The following DOCK4 variants were observed in gnomAD, a reference collection of about 807,000 sequenced individuals.
DOCK4 encodes the protein dedicator of cytokinesis 4.
Under a neutral mutation model 268.1 loss-of-function variants are expected in DOCK4, and 97 were observed. That is an observed-to-expected ratio of 0.36 (90% CI 0.31 to 0.43). The LOEUF is 0.43. Among genes scored for constraint, DOCK4 ranks in the 20% least tolerant of loss-of-function variants. DOCK4 has a pLI of 1.00. For synonymous variants in DOCK4, 954 were observed against 887.2 expected, an observed-to-expected ratio of 1.08 and a Z score of -1.34; for missense variants, 2,145 against 2,455.7, an observed-to-expected ratio of 0.87 and a Z score of 2.67.
chr7:111,941,011 T>C (rs767056119), intron 10 of DOCK4, among the ~76,000 whole-genome samples: 1 of 152,194 alleles, frequency 6.6e-6, no homozygotes, highest in South Asian at 2.1e-4. Context: ...AAAATTCTCC[T>C]ATAGCACATC....
intron 1 of DOCK4, among the ~76,000 whole-genome samples, chr7:112,101,965 C>T (rs1325526963): frequency 1.3e-5 from 2 of 152,056 alleles, no homozygotes; most frequent in Non-Finnish European, 2.9e-5. Flanking sequence ...GCCTCAGCCT[C>T]CGGAGTAGCT....
rs202087543 is a variant in DOCK4, at chr7:111,915,763, G to C, written c.1192+16C>G. 6.2e-7 allele frequency: 1 copy of C among 1,611,548 alleles called. No individual in the cohort carries two copies. The highest frequency in any genetic ancestry group is 8.5e-7 in the Non-Finnish European group (1 of 1,179,076). On this transcript the variant is annotated intron_variant, in intron 13 of 52. Coordinates refer to ENST00000428084, the MANE Select transcript of DOCK4 (RefSeq NM_001363540.2). ...TACCCATATTTCATCATATCGGTAC[G>C]TCCCAAGTCACCTACCAGGCATAAT...
At chr7:112,120,862 A>G (rs992708409) in intron 1 of DOCK4, among the ~76,000 whole-genome samples, 20 of 152,220 alleles carry the variant, frequency 1.3e-4, no homozygotes, top group Non-Finnish European at 2.8e-4. Flanking sequence ...TTGGAGAAAC[A>G]GTTGGACATT....
intron 45 of DOCK4, 139 bp downstream of exon 45, chr7:111,741,874 G>C (rs897225926): frequency 7.7e-7 from 1 of 1,307,096 alleles, no homozygotes; most frequent in Non-Finnish European, 1.0e-6. Context: ...CAAGGCAATT[G>C]TATTTGAGGG....
chr7:112,122,380 T>C (rs951781486), intron 1 of DOCK4, among the ~76,000 whole-genome samples: 1 of 152,214 alleles, frequency 6.6e-6, no homozygotes, highest in Non-Finnish European at 1.5e-5. Context: ...TTTCTTTGAA[T>C]CTGACTACTT....
intron 13 of DOCK4, among the ~76,000 whole-genome samples, chr7:111,908,325 G>A (rs1470616936): frequency 6.6e-6 from 1 of 151,820 alleles, no homozygotes; most frequent in Non-Finnish European, 1.5e-5. Context: ...GCGGGCGCCT[G>A]TAGTCCCAGC....
At chr7:112,025,988 T>A (rs1363738579) in intron 1 of DOCK4, among the ~76,000 whole-genome samples, 1 of 152,212 alleles carries the variant, frequency 6.6e-6, no homozygotes, top group South Asian at 2.1e-4. Context: ...GCCCCTCTCA[T>A]TGCACTTGCC....
At chr7:111,869,415 A>G (rs1806238325) in intron 21 of DOCK4, 159 bp downstream of exon 21, 2 of 654,644 alleles carry the variant, frequency 3.1e-6, no homozygotes, top group Admixed American at 4.5e-5. Flanking sequence ...TTCAAATTTC[A>G]TCAGCTCTCA....
chr7:112,038,058 A>G (rs1234690049), intron 1 of DOCK4, among the ~76,000 whole-genome samples: 1 of 152,254 alleles, frequency 6.6e-6, no homozygotes, highest in Non-Finnish European at 1.5e-5. Context: ...AATAGCATGG[A>G]CAGCATGTTA....
chr7:111,794,397 A>G (rs1355138457), intron 30 of DOCK4, among the ~76,000 whole-genome samples: 1 of 152,200 alleles, frequency 6.6e-6, no homozygotes, highest in Non-Finnish European at 1.5e-5. Context: ...AACAGGGTGA[A>G]TGAAATCACA....
At chr7:112,179,998 T>A (rs924463092) in intron 1 of DOCK4, among the ~76,000 whole-genome samples, 15 of 152,240 alleles carry the variant, frequency 9.9e-5, no homozygotes, top group Admixed American at 2.0e-4. Context: ...CAGCATCAGT[T>A]TCTTATTCTG....
At chr7:112,153,419 T>C (rs1336066692) in intron 1 of DOCK4, among the ~76,000 whole-genome samples, 1 of 152,184 alleles carries the variant, frequency 6.6e-6, no homozygotes, top group Non-Finnish European at 1.5e-5. Flanking sequence ...GCTGCTACAC[T>C]TTACATTTAA....
At chr7:112,034,797 G>A (rs1803597000) in intron 1 of DOCK4, among the ~76,000 whole-genome samples, 1 of 152,160 alleles carries the variant, frequency 6.6e-6, no homozygotes, top group Non-Finnish European at 1.5e-5. Flanking sequence ...GGCTACTCAG[G>A]AGGCTGAGGC....
intron 8 of DOCK4, among the ~76,000 whole-genome samples, chr7:111,956,398 C>T (rs183605390): frequency 2.7e-4 from 41 of 152,180 alleles, no homozygotes; most frequent in Admixed American, 6.5e-4. Flanking sequence ...ATCGTTCATG[C>T]ATTTACTATC....
chr7:112,058,133 T>C (rs1806016754), intron 1 of DOCK4, among the ~76,000 whole-genome samples: 3 of 151,596 alleles, frequency 2.0e-5, no homozygotes, highest in Admixed American at 1.3e-4. Context: ...GAAAATTTTT[T>C]GGAGAGAGGG....
chr7:112,122,759 GT>G (rs1022588749), intron 1 of DOCK4, among the ~76,000 whole-genome samples: 6 of 152,080 alleles, frequency 3.9e-5, no homozygotes, highest in African/African-American at 1.2e-4. Flanking sequence ...ATAAAGACTA[GT>G]TTTTTTGTCT....
intron 1 of DOCK4, among the ~76,000 whole-genome samples, chr7:112,146,804 T>C (rs1051931777): frequency 3.9e-5 from 6 of 152,208 alleles, no homozygotes; most frequent in African/African-American, 1.4e-4. Flanking sequence ...TCATCCCATC[T>C]AATTTCTTCA....
chr7:111,728,383 A>T lies in DOCK4; in HGVS notation c.5819T>A (p.Leu1940Gln). ...TCGCGCTGCCAGAGGCTTGGGGGGC[A>T]GCGCGGGCGGCTCCGACGTGACGGG... is the stretch of plus-strand genomic sequence containing the variant. The part of the protein sequence containing the change: ...SIPVTSEPPA[L>Q]PPKPLAARSS... The change falls in exon 53 of 53, where the codon CTG (leucine) becomes CAG (glutamine). Residue 1940 changes from leucine to glutamine, a missense_variant. This residue lies in a region of DOCK4 where 547 missense variants were observed against 469.0 expected (regional missense o/e 1.17). Coordinates refer to ENST00000428084, the MANE Select transcript of DOCK4 (RefSeq NM_001363540.2). The T allele has an allele frequency of 6.5e-7, 1 of 1,543,988 alleles. No individual in the cohort carries two copies. The highest frequency in any genetic ancestry group is 8.7e-7 in the Non-Finnish European group (1 of 1,145,318).
rs140098336 is a variant in DOCK4 at position 111,877,012 on chromosome 7, T to C, written c.1744+18A>G. Reference sequence around the variant, plus strand: ...ATTATTAGGTACTAGGGCTTTCAAATAAAACATTATACATTACCATTTTGT... The same window carrying C: ...ATTATTAGGTACTAGGGCTTTCAAACAAAACATTATACATTACCATTTTGT... On this transcript the variant is annotated intron_variant, in intron 17 of 52. Transcript: ENST00000428084. The C allele has an allele frequency of 2.0e-5, 29 of 1,458,948 alleles. No homozygotes were observed. Among genetic ancestry groups the C allele is most frequent in the Middle Eastern group, 3.7e-4 (2 of 5,474 alleles). The allele number at this position is 1,458,948 out of a possible 1,614,324, so 90.4% of individuals were successfully genotyped here. A position where few individuals can be genotyped will look rare whatever the true frequency, so the allele number is the denominator to read the frequency against.
Sources: gnomAD v4.1 joint callset for allele counts (sites outside exome capture counted in the v4.1 genomes callset) on GRCh38, gnomAD v4.1.1 for gene constraint, gnomAD v4.1.1 regional missense constraint, MANE v1.5 for transcripts, NCBI Gene and HGNC (gene_info 2026-07-23, HGNC 2026-07-21) for gene names.